Variants in KAZN observed in about 807,000 individuals in gnomAD.
The protein encoded by KAZN is kazrin.
Under a neutral mutation model 87.4 loss-of-function variants are expected in KAZN, and 40 were observed. The ratio of observed to expected loss-of-function variants is 0.46; its 90% CI spans 0.36 to 0.60. The LOEUF is 0.60. Ranked by LOEUF, KAZN falls within the 20% of genes least tolerant of loss-of-function variation. KAZN has a pLI of 0.00. For missense variants in KAZN, 898 were observed against 1,073.9 expected, an observed-to-expected ratio of 0.84 and a Z score of 2.29; for synonymous variants, 466 against 458.3, an observed-to-expected ratio of 1.02 and a Z score of -0.22.
At chr1:14,254,129 G>A (rs1434897371) in intron 2 of KAZN, among the ~76,000 whole-genome samples, 1 of 152,118 alleles carries the variant, frequency 6.6e-6, no homozygotes. Flanking sequence ...TTTCTAATTA[G>A]GGGGAAAGAA....
intron 1 of KAZN, among the ~76,000 whole-genome samples, chr1:14,069,768 A>G (rs1456919991): frequency 6.6e-6 from 1 of 152,210 alleles, no homozygotes; most frequent in African/African-American, 2.4e-5. Context: ...AGGTTTTGTT[A>G]TCACTGGATG....
intron 1 of KAZN, among the ~76,000 whole-genome samples, chr1:14,697,500 T>C (rs577124387): frequency 3.9e-5 from 6 of 152,300 alleles, no homozygotes; most frequent in East Asian, 1.9e-4. Flanking sequence ...GTGCCTCACA[T>C]TGAAAGCTTT....
At chr1:14,249,688 C>T (rs940756153) in intron 2 of KAZN, among the ~76,000 whole-genome samples, 1 of 152,192 alleles carries the variant, frequency 6.6e-6, no homozygotes, top group Non-Finnish European at 1.5e-5. Flanking sequence ...GCTGTTCCCT[C>T]ACTTCCATAT....
At chr1:14,459,821 G>A (rs2148347365) in intron 2 of KAZN, among the ~76,000 whole-genome samples, 1 of 152,306 alleles carries the variant, frequency 6.6e-6, no homozygotes, top group Non-Finnish European at 1.5e-5. Flanking sequence ...TTTCACAATA[G>A]AAAGGAAGAA....
chr1:14,522,268 A>C (rs576205655), intron 2 of KAZN, among the ~76,000 whole-genome samples: 81 of 152,254 alleles, frequency 5.3e-4, no homozygotes, highest in Non-Finnish European at 5.3e-4. Context: ...ACCTAACTTA[A>C]AGAGAAATAT....
intron 1 of KAZN, among the ~76,000 whole-genome samples, chr1:14,728,358 C>T (rs4661520): frequency 0.37 from 54,321 of 148,234 alleles, 10,675 homozygotes; most frequent in African/African-American, 0.51. Flanking sequence ...AGAGCTTCGG[C>T]GGTAACATGA....
chr1:14,831,359 T>C (rs543197757), intron 1 of KAZN, among the ~76,000 whole-genome samples: 1 of 152,332 alleles, frequency 6.6e-6, no homozygotes, highest in South Asian at 2.1e-4. Context: ...CTGCTGCTGC[T>C]GCTTCTGCTG....
At position 14,610,748 on chromosome 1, in the gene KAZN, A is replaced by G. The variant is rs60472247; in HGVS notation, c.226+11525A>G. ...CTTTTACTCTGGAAAATACACCTGC[A>G]TGGAGACTAGTGGATGTGTGTATTC... On this transcript the variant is annotated intron_variant, in intron 1 of 14. Coordinates refer to ENST00000376030, the MANE Select transcript of KAZN (RefSeq NM_201628.3). 9.8e-4 allele frequency among the ~76,000 whole-genome samples: 148 copies of G among 151,682 alleles called. 1 individual carries two copies. The highest frequency in any genetic ancestry group is 3.4e-3 in the African/African-American group (140 of 41,276).
rs1318416065 is a variant in KAZN, at chr1:14,930,098, G to T, written c.227-30586G>T. The T allele has an allele frequency of 7.1e-6, 7 of 985,114 alleles. No individual in the cohort carries two copies. In the African/African-American group the frequency reaches 8.7e-5, roughly 12 times the overall value. The allele number at this position is 985,114 out of a possible 1,614,324, so 61.0% of individuals were successfully genotyped here. ...CCTGAACTGGCTGACACTGAGTCTG[G>T]CCTAAGCAGCGGGGAGCTGGTGGGC... On this transcript the variant is annotated intron_variant, in intron 1 of 14. Transcript: ENST00000376030.
intron 1 of KAZN, among the ~76,000 whole-genome samples, chr1:14,077,116 A>G (rs1424597452): frequency 6.6e-6 from 1 of 152,138 alleles, no homozygotes; most frequent in Non-Finnish European, 1.5e-5. Flanking sequence ...TGTGATTGCC[A>G]GGAAGGTTCT....
At position 14,691,173 on chromosome 1, in the gene KAZN, G is replaced by A. The variant is rs137979367; in HGVS notation, c.226+91950G>A. On this transcript the variant is annotated intron_variant, in intron 1 of 14. Coordinates refer to ENST00000376030, the MANE Select transcript of KAZN (RefSeq NM_201628.3). Reference sequence around the variant, plus strand: ...ATTTTTGACTATTGATGGATGGCTCGGTACTTTTAAGTTTCAGGTGGGGAA... The same window carrying A: ...ATTTTTGACTATTGATGGATGGCTCAGTACTTTTAAGTTTCAGGTGGGGAA... Among the ~76,000 whole-genome samples, 1,232 of 152,006 alleles carry A rather than the reference G, an allele frequency of 8.1e-3. 22 individuals carry two copies. Among genetic ancestry groups the A allele is most frequent in the African/African-American group, 0.028 (1,155 of 41,462 alleles).
At chr1:14,237,467 T>G (rs1648532451) in intron 2 of KAZN, among the ~76,000 whole-genome samples, 1 of 152,148 alleles carries the variant, frequency 6.6e-6, no homozygotes, top group South Asian at 2.1e-4. Flanking sequence ...CTGGACTGTT[T>G]CATTTCCAAA....
intron 2 of KAZN, among the ~76,000 whole-genome samples, chr1:14,407,659 T>C (rs1663972468): frequency 6.6e-6 from 1 of 152,188 alleles, no homozygotes; most frequent in African/African-American, 2.4e-5. Flanking sequence ...CATTTTAAAA[T>C]GAGAATAATC....
At chr1:14,753,269 A>T (rs1480002071) in intron 1 of KAZN, among the ~76,000 whole-genome samples, 1 of 152,096 alleles carries the variant, frequency 6.6e-6, no homozygotes, top group Non-Finnish European at 1.5e-5. Context: ...AGCAGGCGGT[A>T]TTTGGTTATA....
chr1:13,926,492 T>C (rs1640280863), intron 1 of KAZN, among the ~76,000 whole-genome samples: 1 of 152,188 alleles, frequency 6.6e-6, no homozygotes, highest in African/African-American at 2.4e-5. Flanking sequence ...ACATTTCCCC[T>C]GCCTTTTCCC....
Position 15,094,964 on chromosome 1 carries a change from G to A in KAZN, c.1547+31G>A, listed in dbSNP as rs1640740539. Reference sequence around the variant, plus strand: ...CCCACCACGAGGGGCCCCGGGGGAGGAGAGAAAAAGTCATCCTGAGGCCTT... The same window carrying A: ...CCCACCACGAGGGGCCCCGGGGGAGAAGAGAAAAAGTCATCCTGAGGCCTT... On this transcript the variant is annotated intron_variant, in intron 10 of 14. Transcript: ENST00000376030. This position sits in a 1 kb window ranked among gnomAD's most constrained non-coding sequence, Gnocchi z 4.5. The A allele has an allele frequency of 3.4e-6, 5 of 1,472,420 alleles. No homozygotes were observed. Among genetic ancestry groups the A allele is most frequent in the Non-Finnish European group, 4.6e-6 (5 of 1,078,012 alleles). 91.2% of individuals were successfully genotyped at this position (1,472,420 alleles called of 1,614,324 possible).
At chr1:14,178,393 A>G (rs746648695) in intron 1 of KAZN, among the ~76,000 whole-genome samples, 2 of 152,166 alleles carry the variant, frequency 1.3e-5, no homozygotes, top group Non-Finnish European at 2.9e-5. Flanking sequence ...TTACATTGTC[A>G]CTAATTTTGG....
At chr1:14,412,269 A>G in intron 2 of KAZN, among the ~76,000 whole-genome samples, 1 of 152,238 alleles carries the variant, frequency 6.6e-6, no homozygotes, top group East Asian at 1.9e-4. Context: ...CAGAAGCTCT[A>G]ATGAGTAAAC....
At chr1:14,471,447 C>A (rs1186911902) in intron 2 of KAZN, among the ~76,000 whole-genome samples, 1 of 152,158 alleles carries the variant, frequency 6.6e-6, no homozygotes, top group African/African-American at 2.4e-5. Context: ...CTACAGCGCA[C>A]ACACAGGGAC....
Sources: gnomAD v4.1 joint callset for allele counts (sites outside exome capture counted in the v4.1 genomes callset) on GRCh38, gnomAD v4.1.1 for gene constraint, Gnocchi (gnomAD v3.1) non-coding constraint, MANE v1.5 for transcripts, NCBI Gene and HGNC (gene_info 2026-07-23, HGNC 2026-07-21) for gene names.